NREP: variants seen among roughly 807,000 people sequenced by gnomAD.
The protein encoded by NREP is neuronal regeneration-related protein.
Under a neutral mutation model 8.6 loss-of-function variants are expected in NREP, and 5 were observed. The ratio of observed to expected loss-of-function variants is 0.58; its 90% confidence interval spans 0.30 to 1.22. The LOEUF (loss-of-function observed/expected upper bound fraction) is 1.22. Among genes scored for constraint, NREP ranks in the 50% most tolerant of loss-of-function variants. The pLI is 0.07. For synonymous variants in NREP, 27 were observed against 28.0 expected (o/e 0.96, Z 0.11); for missense variants, 86 against 82.5 (o/e 1.04, Z -0.17).
At chr5:111,849,533 G>A (rs946221851) in intron 2 of NREP, among the ~76,000 whole-genome samples, 1 of 152,140 alleles carries the variant, frequency 6.6e-6, no homozygotes, top group Non-Finnish European at 1.5e-5. Context: ...TCTAATTGCA[G>A]TATGGACAAT....
At chr5:111,840,797 T>C (rs1753010564) in intron 2 of NREP, among the ~76,000 whole-genome samples, 2 of 152,122 alleles carry the variant, frequency 1.3e-5, no homozygotes, top group Admixed American at 6.6e-5. Flanking sequence ...ATAGTAAAGA[T>C]GTTGACAGGA....
intron 2 of NREP, among the ~76,000 whole-genome samples, chr5:111,847,043 G>A (rs895423125): frequency 1.3e-5 from 2 of 151,758 alleles, no homozygotes; most frequent in East Asian, 3.9e-4. Flanking sequence ...GCTGGGCTAT[G>A]AGAAAGACCT....
chr5:111,961,848 G>A (rs1371987772), intron 2 of NREP, among the ~76,000 whole-genome samples: 2 of 152,216 alleles, frequency 1.3e-5, no homozygotes, highest in African/African-American at 4.8e-5. Context: ...TAACAGGAGA[G>A]TTCACGCCAT....
intron 2 of NREP, among the ~76,000 whole-genome samples, chr5:111,741,362 G>T (rs1287096000): frequency 1.3e-5 from 2 of 152,140 alleles, no homozygotes; most frequent in Non-Finnish European, 2.9e-5. Flanking sequence ...GAGAATTCAT[G>T]CGCATATACA....
At chr5:111,949,621 T>C (rs976221147) in intron 2 of NREP, among the ~76,000 whole-genome samples, 1 of 152,028 alleles carries the variant, frequency 6.6e-6, no homozygotes, top group African/African-American at 2.4e-5. Context: ...GATGTTCCCC[T>C]CCCTGTGTCC....
intron 2 of NREP, among the ~76,000 whole-genome samples, chr5:111,779,906 T>A (rs1391767786): frequency 6.6e-6 from 1 of 152,214 alleles, no homozygotes; most frequent in African/African-American, 2.4e-5. Flanking sequence ...TTATTATTTT[T>A]ATTTTTGCCT....
chr5:111,951,584 T>C (rs1756161251), intron 2 of NREP, among the ~76,000 whole-genome samples: 1 of 152,100 alleles, frequency 6.6e-6, no homozygotes, highest in African/African-American at 2.4e-5. Context: ...GTTTGTCAAC[T>C]TCTACTTTAG....
intron 2 of NREP, among the ~76,000 whole-genome samples, chr5:111,815,661 G>C (rs1752369523): frequency 6.6e-6 from 1 of 151,842 alleles, no homozygotes; most frequent in African/African-American, 2.4e-5. Flanking sequence ...CAAAACCGAA[G>C]GTATGATTAA....
intron 2 of NREP, among the ~76,000 whole-genome samples, chr5:111,893,066 C>T (rs2112536480): frequency 6.6e-6 from 1 of 152,302 alleles, no homozygotes. Flanking sequence ...AAGTCCAGCT[C>T]AGGCAGAAAA....
chr5:111,910,611 G>A (rs1019003103), intron 2 of NREP, among the ~76,000 whole-genome samples: 4 of 152,126 alleles, frequency 2.6e-5, no homozygotes, highest in African/African-American at 7.2e-5. Context: ...AATGCTTGCC[G>A]AGTATGGGTT....
chr5:111,869,624 C>T (rs1320754276), intron 2 of NREP, among the ~76,000 whole-genome samples: 1 of 152,102 alleles, frequency 6.6e-6, no homozygotes, highest in Non-Finnish European at 1.5e-5. Flanking sequence ...GGTCTGGGTT[C>T]AAATGCTCAT....
Position 111,755,806 on chromosome 5 carries a change from C to T in NREP, c.-34G>A, listed in dbSNP as rs145353056. Reference sequence around the variant, plus strand: ...TCTTAGTCTTGGGCTTCTATTCTCCCTCTCTTCAGTCCAGGGAGACCAACC... The same window carrying T: ...TCTTAGTCTTGGGCTTCTATTCTCCTTCTCTTCAGTCCAGGGAGACCAACC... On this transcript the variant is annotated 5_prime_UTR_variant, in exon 2 of 4. Coordinates refer to ENST00000257435, the MANE Select transcript of NREP (RefSeq NM_004772.4). 2.4e-4 allele frequency: 386 copies of T among 1,613,868 alleles called. 4 individuals carry two copies. In the East Asian group the frequency reaches 7.4e-3, roughly 31 times the overall value.
rs570663795 is a variant in NREP at position 111,750,166 on chromosome 5, C to T, written c.3+5604G>A. Among the ~76,000 whole-genome samples the T allele has an allele frequency of 5.3e-5, 8 of 152,142 alleles. No individual in the cohort carries two copies. In the East Asian group the frequency reaches 1.4e-3, roughly 26 times the overall value. ...GTCCTAAACAAGGAGGAAGATCTCC[C>T]CTATGATAGTAAAAAGGTACTATGC... On this transcript the variant is annotated intron_variant, in intron 2 of 3. Transcript: ENST00000257435.
intron 2 of NREP, chr5:111,969,527 A>C (rs1197765846): frequency 6.6e-6 from 1 of 152,210 alleles, no homozygotes; most frequent in East Asian, 1.9e-4. Flanking sequence ...CTAAATGAGA[A>C]AGGAATTGGT....
chr5:111,881,542 A>G (rs1202526612), intron 2 of NREP, among the ~76,000 whole-genome samples: 3 of 151,954 alleles, frequency 2.0e-5, no homozygotes, highest in Non-Finnish European at 4.4e-5. Flanking sequence ...TGGGTCCCTG[A>G]CCCCTGACCC....
rs1342506108 is a variant in NREP, at chr5:111,919,919, G to GAAAC, written c.135+55354_135+55355insGTTT. Reference sequence around the variant, plus strand: ...AGAAAGAAAGAAAGAAAGAAAGAAAGATCTGAACTGTCCATTATGTAGTAA... The same window carrying GAAAC: ...AGAAAGAAAGAAAGAAAGAAAGAAAGAAACATCTGAACTGTCCATTATGTAGTAA... On this transcript the variant is annotated intron_variant, in intron 2 of 3. Transcript: ENST00000395634. Among the ~76,000 whole-genome samples the GAAAC allele has an allele frequency of 8.7e-3, 1,243 of 143,248 alleles. 20 individuals are homozygous for GAAAC. The highest frequency in any genetic ancestry group is 0.025 in the African/African-American group (998 of 39,370). The allele number at this position is 143,248 out of a possible 152,430, so 94.0% of individuals were successfully genotyped here. A position where few individuals can be genotyped will look rare whatever the true frequency, so the allele number is the denominator to read the frequency against.
At chr5:111,757,600 G>T, upstream of NREP, 1 of 983,608 alleles carries the variant, frequency 1.0e-6, no homozygotes, top group East Asian at 1.1e-4. Context: ...GTCGGCGAGC[G>T]GCCAACAGGC....
At chr5:111,945,150 T>G (rs747840277) in intron 2 of NREP, among the ~76,000 whole-genome samples, 1 of 152,134 alleles carries the variant, frequency 6.6e-6, no homozygotes, top group Non-Finnish European at 1.5e-5. Context: ...ACACATTTGT[T>G]ATCATCCTAA....
chr5:111,935,234 T>C (rs1755650402), intron 2 of NREP, among the ~76,000 whole-genome samples: 1 of 152,038 alleles, frequency 6.6e-6, no homozygotes, highest in African/African-American at 2.4e-5. Flanking sequence ...AATGAACTAT[T>C]GCAGCCAATT....
Sources: allele counts gnomAD v4.1 joint callset (sites outside exome capture counted in the v4.1 genomes callset), GRCh38; gene constraint gnomAD v4.1.1; transcripts MANE v1.5; gene names NCBI Gene and HGNC (gene_info 2026-07-23, HGNC 2026-07-21).